Variants in PAK1IP1 observed in about 807,000 individuals in gnomAD.
The protein encoded by PAK1IP1 is PAK1 interacting protein 1, also known as p21-activated protein kinase-interacting protein 1.
Under a neutral mutation model 42.0 loss-of-function variants are expected in PAK1IP1, and 24 were observed. That is an observed-to-expected ratio of 0.57 (90% CI 0.41 to 0.80). The LOEUF (loss-of-function observed/expected upper bound fraction) is 0.80. PAK1IP1 is among the 30% of genes least tolerant of loss of function. The pLI, the probability that PAK1IP1 is intolerant of heterozygous loss-of-function variation, is 0.00. For synonymous variants in PAK1IP1, 154 were observed against 156.7 expected (o/e 0.98, Z 0.13); for missense variants, 411 against 467.9 (o/e 0.88, Z 1.12).
chr6:10,706,780 G>A (rs901233827), intron 7 of PAK1IP1, among the ~76,000 whole-genome samples: 1 of 152,018 alleles, frequency 6.6e-6, no homozygotes, highest in East Asian at 1.9e-4. Flanking sequence ...CTACTCGGGA[G>A]GCTGAGGCAG....
rs796634319 is a variant in PAK1IP1 at position 10,701,969 on chromosome 6, TCA to T, written c.248-396_248-395del. Among the ~76,000 whole-genome samples, 8 of 152,320 alleles carry T rather than the reference TCA, an allele frequency of 5.3e-5. No individual in the cohort carries two copies. In the South Asian group the frequency reaches 1.0e-3, roughly 20 times the overall value. Reference sequence around the variant, plus strand: ...AGACATTGAGGCCAGGCACAGTGGCTCACACCTGTAATCCCAGCACTTTGGGA... The same window carrying T: ...AGACATTGAGGCCAGGCACAGTGGCTCACCTGTAATCCCAGCACTTTGGGA... On this transcript the variant is annotated intron_variant, in intron 2 of 9. Transcript: ENST00000379568.
At chr6:10,696,788 G>C (rs1406974621) in intron 1 of PAK1IP1, among the ~76,000 whole-genome samples, 1 of 152,186 alleles carries the variant, frequency 6.6e-6, no homozygotes, top group Non-Finnish European at 1.5e-5. Context: ...ACCAAAATTA[G>C]CTGGGCATGA....
chr6:10,699,015 A>G (rs1297968711), intron 2 of PAK1IP1, among the ~76,000 whole-genome samples: 1 of 152,088 alleles, frequency 6.6e-6, no homozygotes, highest in African/African-American at 2.4e-5. Flanking sequence ...CCTGGCTAAC[A>G]AGGAGAAACC....
chr6:10,703,058 G>A (rs1770086133), intron 4 of PAK1IP1, among the ~76,000 whole-genome samples: 1 of 152,166 alleles, frequency 6.6e-6, no homozygotes, highest in African/African-American at 2.4e-5. Context: ...GCCCGCCTCA[G>A]CCTCCGAAAG....
At chr6:10,691,988 A>C (rs968072863), upstream of PAK1IP1, among the ~76,000 whole-genome samples, 10 of 152,242 alleles carry the variant, frequency 6.6e-5, no homozygotes, top group Admixed American at 6.5e-5. Flanking sequence ...AACAGATTCT[A>C]AATAATCACC....
At position 10,709,551 on chromosome 6, in the gene PAK1IP1, T is replaced by G; in HGVS notation, c.*99T>G. 7 of 632,470 alleles carry G rather than the reference T, an allele frequency of 1.1e-5. No homozygotes were observed. The highest frequency in any genetic ancestry group is 1.2e-5 in the Non-Finnish European group (5 of 418,096). The allele number at this position is 632,470 out of a possible 1,614,324, so 39.2% of individuals were successfully genotyped here. A position where few individuals can be genotyped will look rare whatever the true frequency, so the allele number is the denominator to read the frequency against. ...TCCCTGAGTAAAAGCAAGAAATTTC[T>G]TCCTTTGGAAAAAATATATATATTA... is the stretch of plus-strand genomic sequence containing the variant. On this transcript the variant is annotated 3_prime_UTR_variant, in exon 10 of 10. Coordinates refer to ENST00000379568, the MANE Select transcript of PAK1IP1 (RefSeq NM_017906.3).
chr6:10,709,451 G>A lies in PAK1IP1; in HGVS notation c.1178G>A (p.Ter393=), dbSNP rs750985706. 5.0e-6 allele frequency: 8 copies of A among 1,586,310 alleles called. No individual in the cohort carries two copies. The highest frequency in any genetic ancestry group is 6.9e-6 in the Non-Finnish European group (8 of 1,159,198). ...RKKKKIKTMQ[*] ...AAGAAGAAAATAAAAACAATGCAGT[G>A]AATCACAGATGTCTCCTGAAAGAAC... The change falls in exon 10 of 10, where the codon TGA becomes TAA. Residue 393 remains the stop codon, a stop_retained_variant. Transcript: ENST00000379568.
intron 5 of PAK1IP1, 85 bp from the exon 6 acceptor site, chr6:10,704,422 G>A: frequency 1.3e-6 from 1 of 749,408 alleles, no homozygotes; most frequent in Middle Eastern, 2.9e-4. Flanking sequence ...AAAATGCACA[G>A]TATAAATATT....
rs759010995 is a variant in PAK1IP1 at position 10,703,435 on chromosome 6, A to G, written c.474A>G (p.Ala158=). 8.7e-6 allele frequency: 14 copies of G among 1,611,236 alleles called. No homozygotes were observed. Among genetic ancestry groups the G allele is most frequent in the South Asian group, 2.2e-5 (2 of 90,766 alleles). Residue 158 remains alanine, a synonymous_variant, in exon 5 of 10, where the codon GCA becomes GCG. Transcript: ENST00000379568. ...GGAATCTTGTAGAAGGAAGATCAGC[A>G]TTCATAAAAAATATAAAACAAAGTG... ...RTWNLVEGRS[A]FIKNIKQNAH...
intron 1 of PAK1IP1, 113 bp downstream of exon 1, chr6:10,695,182 T>C: frequency 1.5e-6 from 1 of 683,508 alleles, no homozygotes; most frequent in Non-Finnish European, 2.6e-6. Context: ...GATGATTTGA[T>C]GAATCAAACC....
chr6:10,702,470 A>C lies in PAK1IP1; in HGVS notation c.349A>C (p.Lys117Gln). Residue 117 changes from lysine to glutamine, a missense_variant, in exon 3 of 10, where the codon AAG becomes CAG. Transcript: ENST00000379568. Reference protein sequence around the residue: ...IWDAKKWECLKSIKAHKGQVT... With the variant: ...IWDAKKWECLQSIKAHKGQVT... ...GGATGCAAAGAAATGGGAATGCCTG[A>C]AGTCAATTAAAGCTCACAAGTGAGT... The C allele has an allele frequency of 3.7e-6, 6 of 1,614,104 alleles. No homozygotes were observed. The highest frequency in any genetic ancestry group is 5.1e-6 in the Non-Finnish European group (6 of 1,180,004).
intron 7 of PAK1IP1, among the ~76,000 whole-genome samples, chr6:10,705,264 G>A (rs1269448580): frequency 2.0e-5 from 3 of 152,128 alleles, no homozygotes; most frequent in Admixed American, 6.5e-5. Flanking sequence ...GTTGCAGTGA[G>A]CCAAGATCGC....
chr6:10,697,934 T>G (rs1769906101), intron 2 of PAK1IP1, among the ~76,000 whole-genome samples: 1 of 150,492 alleles, frequency 6.6e-6, no homozygotes, highest in African/African-American at 2.4e-5. Context: ...TGGCTTACGG[T>G]CTGTATTGGG....
intron 2 of PAK1IP1, among the ~76,000 whole-genome samples, chr6:10,700,542 A>T (rs1019915354): frequency 6.6e-6 from 1 of 152,172 alleles, no homozygotes; most frequent in Admixed American, 6.5e-5. Flanking sequence ...TTGCTGCTTT[A>T]ACAGCTGTCT....
In PAK1IP1 at chr6:10,702,447, A is replaced by C. The variant is rs1398190019; in HGVS notation, c.326A>C (p.Asp109Ala). 1.2e-6 allele frequency: 2 copies of C among 1,613,912 alleles called. No homozygotes were observed. The highest frequency in any genetic ancestry group is 1.7e-6 in the Non-Finnish European group (2 of 1,179,912). The change falls in exon 3 of 10, where the codon GAT (aspartate) becomes GCT (alanine). Residue 109 changes from aspartate (D) to alanine (A), a missense_variant. Asp to Ala is a moderately radical substitution (Grantham distance 126). Coordinates refer to ENST00000379568, the MANE Select transcript of PAK1IP1 (RefSeq NM_017906.3). ...GAAGATGGACTCATCTGTATCTGGG[A>C]TGCAAAGAAATGGGAATGCCTGAAG... ...GAEDGLICIW[D>A]AKKWECLKSI... is the part of the protein sequence containing the mutation.
chr6:10,704,826 T>G lies in PAK1IP1; in HGVS notation c.722T>G (p.Phe241Cys). The G allele has an allele frequency of 6.2e-7, 1 of 1,609,872 alleles. No homozygotes were observed. Among genetic ancestry groups the G allele is most frequent in the Non-Finnish European group, 8.5e-7 (1 of 1,176,150 alleles). ...GATTCACTAGTGTGCCTCTGCGAATTTAAAGCTCATGAAAACAGGTATTTT... is the reference window on the plus strand; with the variant it reads ...GATTCACTAGTGTGCCTCTGCGAATGTAAAGCTCATGAAAACAGGTATTTT... ...DCDSLVCLCE[F>C]KAHENRVKDM... Residue 241 changes from phenylalanine (F) to cysteine (C), a missense_variant, in exon 7 of 10, where the codon TTT (phenylalanine) becomes TGT (cysteine). By Grantham distance (205) the Phe-to-Cys change is radical (BLOSUM62 -2). Coordinates refer to ENST00000379568, the MANE Select transcript of PAK1IP1 (RefSeq NM_017906.3).
upstream of PAK1IP1, among the ~76,000 whole-genome samples, chr6:10,693,720 C>T (rs557172056): frequency 1.8e-4 from 27 of 152,024 alleles, no homozygotes; most frequent in Non-Finnish European, 3.1e-4. Context: ...ATCTCTAAAC[C>T]TTATTAAATA....
In PAK1IP1 at chr6:10,702,476, A is replaced by G. The variant is rs1770058548; in HGVS notation, c.355A>G (p.Ile119Val). The G allele has an allele frequency of 1.9e-6, 3 of 1,614,032 alleles. No individual in the cohort carries two copies. The highest frequency in any genetic ancestry group is 2.2e-5 in the South Asian group (2 of 91,076). ...DAKKWECLKS[I>V]KAHKGQVTFL... ...AAAGAAATGGGAATGCCTGAAGTCA[A>G]TTAAAGCTCACAAGTGAGTCGGGCT... Residue 119 changes from isoleucine to valine, a missense_variant, in exon 3 of 10, where the codon ATT becomes GTT. Coordinates refer to ENST00000379568, the MANE Select transcript of PAK1IP1 (RefSeq NM_017906.3).
chr6:10,694,223 G>A (rs1332292637), upstream of PAK1IP1, among the ~76,000 whole-genome samples: 4 of 146,940 alleles, frequency 2.7e-5, no homozygotes, highest in African/African-American at 1.1e-4. Flanking sequence ...TCGCGCCACC[G>A]GACTCCAGCC....
Sources: allele counts gnomAD v4.1 joint callset (sites outside exome capture counted in the v4.1 genomes callset), GRCh38; gene constraint gnomAD v4.1.1; transcripts MANE v1.5; gene names NCBI Gene and HGNC (gene_info 2026-07-23, HGNC 2026-07-21).